CCDC198: variants seen among roughly 807,000 people sequenced by gnomAD.
The protein encoded by CCDC198 is coiled-coil domain containing 198, also known as factor associated with metabolism and energy.
Under a neutral mutation model 35.6 loss-of-function variants are expected in CCDC198, and 18 were observed. That is an observed-to-expected ratio of 0.51 (90% CI 0.35 to 0.75). The LOEUF (loss-of-function observed/expected upper bound fraction) is 0.75, where lower values mean the gene tolerates loss of function less well. CCDC198 is among the 30% of genes least tolerant of loss of function. CCDC198 has a pLI of 0.01. For missense variants in CCDC198, 365 were observed against 343.7 expected, an observed-to-expected ratio of 1.06 and a Z score of -0.49; for synonymous variants, 119 against 113.4, an observed-to-expected ratio of 1.05 and a Z score of -0.31.
At chr14:57,491,160 C>T in intron 1 of CCDC198, 89 bp from the exon 2 acceptor site, 1 of 1,346,334 alleles carries the variant, frequency 7.4e-7, no homozygotes, top group Non-Finnish European at 1.0e-6. Flanking sequence ...ACTTTGTCAA[C>T]ACAATTTTGT....
intron 2 of CCDC198, among the ~76,000 whole-genome samples, chr14:57,488,082 G>A (rs967411060): frequency 2.0e-5 from 3 of 152,146 alleles, no homozygotes; most frequent in Non-Finnish European, 4.4e-5. Context: ...ATCTGGAATT[G>A]GAGTCAAAAA....
chr14:57,489,788 T>A (rs141010336), intron 2 of CCDC198, among the ~76,000 whole-genome samples: 1 of 152,134 alleles, frequency 6.6e-6, no homozygotes, highest in African/African-American at 2.4e-5. Flanking sequence ...TAGAGTAATA[T>A]CTTCTATTTG....
intron 2 of CCDC198, among the ~76,000 whole-genome samples, chr14:57,484,241 T>C (rs2067282351): frequency 6.6e-6 from 1 of 152,210 alleles, no homozygotes; most frequent in Non-Finnish European, 1.5e-5. Flanking sequence ...GAAGTCATGC[T>C]GGAGTAGGGC....
intron 2 of CCDC198, among the ~76,000 whole-genome samples, chr14:57,485,373 G>C (rs1187622067): frequency 6.6e-6 from 1 of 152,184 alleles, no homozygotes; most frequent in Non-Finnish European, 1.5e-5. Flanking sequence ...GGCTCAAGAA[G>C]TAGGAGGAAA....
At chr14:57,491,439 A>T (rs2067563844) in intron 1 of CCDC198, among the ~76,000 whole-genome samples, 1 of 152,154 alleles carries the variant, frequency 6.6e-6, no homozygotes, top group Admixed American at 6.6e-5. Context: ...CCTCCCTGAA[A>T]TATAAGACAT....
At chr14:57,471,708 T>A (rs901769952) in intron 5 of CCDC198, 118 bp from the exon 6 acceptor site, 14 of 222,896 alleles carry the variant, frequency 6.3e-5, no homozygotes, top group Non-Finnish European at 9.3e-5. Context: ...ATACATAGTT[T>A]GAAAAATTAT....
At chr14:57,471,791 AT>A (rs1335792500) in intron 5 of CCDC198, among the ~76,000 whole-genome samples, 9 of 149,904 alleles carry the variant, frequency 6.0e-5, no homozygotes, top group Non-Finnish European at 1.0e-4. Context: ...TTTAGTTGTT[AT>A]TTTTTAAATG....
chr14:57,490,739 C>A (rs1380191099), intron 2 of CCDC198, among the ~76,000 whole-genome samples: 1 of 152,060 alleles, frequency 6.6e-6, no homozygotes, highest in East Asian at 1.9e-4. Flanking sequence ...TAGATTCAAG[C>A]CTCTTGAATT....
chr14:57,471,468 T>A lies in CCDC198; in HGVS notation c.778A>T (p.Ser260Cys), dbSNP rs774929547. 1.8e-5 allele frequency: 29 copies of A among 1,613,982 alleles called. No homozygotes were observed. The highest frequency in any genetic ancestry group is 8.3e-5 in the Admixed American group (5 of 59,994). The change falls in exon 6 of 6, where the codon AGT becomes TGT. Residue 260 changes from serine to cysteine, a missense_variant. Coordinates refer to ENST00000216445, the MANE Select transcript of CCDC198 (RefSeq NM_018168.4). ...TGCTCATCTGAGTCAGAGCTGGAAC[T>A]GTCCCAGAGAAGCTGTCCCTGGGCC... ...QEAQGQLLWD[S>C]SSSDSDEQGK...
intron 2 of CCDC198, among the ~76,000 whole-genome samples, chr14:57,488,212 A>G (rs1361321447): frequency 6.6e-6 from 1 of 152,222 alleles, no homozygotes; most frequent in Non-Finnish European, 1.5e-5. Flanking sequence ...GCAAATGCAC[A>G]GAGAAGAACT....
chr14:57,477,586 A>G (rs1026568535), intron 5 of CCDC198, among the ~76,000 whole-genome samples: 3 of 152,156 alleles, frequency 2.0e-5, no homozygotes, highest in Admixed American at 2.0e-4. Flanking sequence ...TAGTCCATCT[A>G]AGTTTGGTTA....
Position 57,480,703 on chromosome 14 carries a change from G to A in CCDC198, c.547C>T (p.Gln183Ter), listed in dbSNP as rs34960436. 0.031 allele frequency: 50,518 copies of A among 1,613,932 alleles called. 896 individuals carry two copies. Among genetic ancestry groups the A allele is most frequent in the Middle Eastern group, 0.038 (230 of 6,060 alleles). ...TTGGCTTTATGGTCCCTTGGACTTT[G>A]CTTATTAATTCTTGCCTCTCCATGA... ...SLHGEARINK[Q>*]SPRDHKAKKT... The change falls in exon 5 of 6, where the codon CAA becomes TAA. Residue 183 changes from glutamine to a stop codon, truncating the protein, a stop_gained. Coordinates refer to ENST00000216445, the MANE Select transcript of CCDC198 (RefSeq NM_018168.4). LOFTEE classifies it high-confidence loss of function.
intron 1 of CCDC198, among the ~76,000 whole-genome samples, chr14:57,492,114 A>G (rs1050701308): frequency 6.6e-6 from 1 of 152,104 alleles, no homozygotes; most frequent in African/African-American, 2.4e-5. Flanking sequence ...TTACTCCATT[A>G]TTTAATTAGA....
At chr14:57,476,249 T>C (rs1365450108) in intron 5 of CCDC198, among the ~76,000 whole-genome samples, 1 of 152,356 alleles carries the variant, frequency 6.6e-6, no homozygotes, top group East Asian at 1.9e-4. Context: ...TTTAGCTATA[T>C]TCTTTCTCTC....
chr14:57,486,306 AT>A (rs1158139773), intron 2 of CCDC198, among the ~76,000 whole-genome samples: 1 of 152,166 alleles, frequency 6.6e-6, no homozygotes, highest in African/African-American at 2.4e-5. Context: ...TCCGTGGATA[AT>A]TACGAAGATT....
At chr14:57,489,672 A>G (rs1411916843) in intron 2 of CCDC198, among the ~76,000 whole-genome samples, 6 of 151,976 alleles carry the variant, frequency 3.9e-5, no homozygotes, top group Non-Finnish European at 8.8e-5. Flanking sequence ...TCTCTTTTTG[A>G]CCTTGTTTGA....
chr14:57,493,781 A>T lies in CCDC198; in HGVS notation c.-66T>A. On this transcript the variant is annotated 5_prime_UTR_variant, in exon 1 of 6. Coordinates refer to ENST00000216445, the MANE Select transcript of CCDC198 (RefSeq NM_018168.4). ...GGTTTTGGGGTCTTTAATATAGCTT[A>T]TTTTAATCAAAGCATTTCAGAAGTT... 8.3e-7 allele frequency: 1 copy of T among 1,207,770 alleles called. No homozygotes were observed. Among genetic ancestry groups the T allele is most frequent in the South Asian group, 1.4e-5 (1 of 73,440 alleles). The allele number at this position is 1,207,770 out of a possible 1,614,324, so 74.8% of individuals were successfully genotyped here. A position where few individuals can be genotyped will look rare whatever the true frequency, so the allele number is the denominator to read the frequency against.
intron 3 of CCDC198, among the ~76,000 whole-genome samples, chr14:57,482,329 T>C (rs1359492249): frequency 6.6e-6 from 1 of 152,170 alleles, no homozygotes; most frequent in Non-Finnish European, 1.5e-5. Context: ...ACCTTTTGTG[T>C]TGCTGTGTGG....
rs931043464 is a variant in CCDC198, at chr14:57,486,902, C to T, written c.307-3751G>A. Among the ~76,000 whole-genome samples, 9 of 152,230 alleles carry T rather than the reference C, an allele frequency of 5.9e-5. No homozygotes were observed. In the South Asian group the frequency reaches 6.2e-4, roughly 11 times the overall value. The stretch of plus-strand genomic sequence containing the variant: ...CTCTCCAGGTTGAGTTTCTCCCTGG[C>T]GTTTGAAAAGAGCCCAAGGAATCAC... On this transcript the variant is annotated intron_variant, in intron 2 of 5. Transcript: ENST00000216445.
Sources: allele counts gnomAD v4.1 joint callset (sites outside exome capture counted in the v4.1 genomes callset), GRCh38; gene constraint gnomAD v4.1.1; transcripts MANE v1.5; gene names NCBI Gene and HGNC (gene_info 2026-07-23, HGNC 2026-07-21).